Variants in ABTB2 observed in about 807,000 individuals in gnomAD.
The protein encoded by ABTB2 is ankyrin repeat and BTB/POZ domain-containing protein 2.
Under a neutral mutation model 104.1 loss-of-function variants are expected in ABTB2, and 56 were observed. The observed-to-expected ratio is 0.54, with a 90% CI of 0.43 to 0.67. The LOEUF (loss-of-function observed/expected upper bound fraction) is 0.67, where lower values mean the gene tolerates loss of function less well. Among genes scored for constraint, ABTB2 ranks in the 30% least tolerant of loss-of-function variants. The probability of loss-of-function intolerance (pLI) is 0.00; values close to 1 mark genes in which losing one functional copy is unlikely to be tolerated. For synonymous variants in ABTB2, 606 were observed against 608.2 expected (o/e 1.00, Z 0.05); for missense variants, 1,279 against 1,407.7 (o/e 0.91, Z 1.46).
intron 7 of ABTB2, among the ~76,000 whole-genome samples, chr11:34,165,802 C>T (rs1221092291): frequency 2.6e-5 from 4 of 152,240 alleles, no homozygotes; most frequent in African/African-American, 7.2e-5. Context: ...GCAGGTACTT[C>T]AACTCCCAGA....
At chr11:34,164,614 G>A in intron 9 of ABTB2, 72 bp downstream of exon 9, 1 of 1,382,018 alleles carries the variant, frequency 7.2e-7, no homozygotes, top group East Asian at 3.0e-5. Flanking sequence ...GCTCCCATCG[G>A]GGAAACTGAG....
chr11:34,297,787 A>AACC lies in ABTB2; in HGVS notation c.883+58913_883+58914insGGT, dbSNP rs1554923783. On this transcript the variant is annotated intron_variant, in intron 1 of 16. Coordinates refer to ENST00000435224, the MANE Select transcript of ABTB2 (RefSeq NM_145804.3). ...ATCTCAAAAAAAAAAAAAAAAAATA[A>AACC]AAATAAAGGAAAGAAAAAGAAAAAA... Among the ~76,000 whole-genome samples the AACC allele has an allele frequency of 7.2e-5, 7 of 97,536 alleles. 2 individuals carry two copies. Among genetic ancestry groups the AACC allele is most frequent in the South Asian group, 5.9e-4 (2 of 3,396 alleles). The allele number at this position is 97,536 out of a possible 152,430, so 64.0% of individuals were successfully genotyped here. A position where few individuals can be genotyped will look rare whatever the true frequency, so the allele number is the denominator to read the frequency against.
intron 1 of ABTB2, among the ~76,000 whole-genome samples, chr11:34,219,601 T>C (rs772984120): frequency 3.3e-5 from 5 of 152,214 alleles, no homozygotes; most frequent in Non-Finnish European, 5.9e-5. Flanking sequence ...GTAGCCAACA[T>C]AAGATCATAG....
chr11:34,225,846 C>T (rs1853679222), intron 1 of ABTB2, among the ~76,000 whole-genome samples: 1 of 152,008 alleles, frequency 6.6e-6, no homozygotes, highest in African/African-American at 2.4e-5. Flanking sequence ...AAATAAGAAC[C>T]TGTGTTACAT....
At chr11:34,259,101 TTGTTAC>T (rs757164749) in intron 1 of ABTB2, among the ~76,000 whole-genome samples, 19 of 152,238 alleles carry the variant, frequency 1.2e-4, no homozygotes, top group Admixed American at 4.6e-4. Context: ...ATTCTTGCTG[TTGTTAC>T]TGTTACTGTT....
chr11:34,254,067 G>A (rs1385129045), intron 1 of ABTB2, among the ~76,000 whole-genome samples: 1 of 152,094 alleles, frequency 6.6e-6, no homozygotes, highest in Non-Finnish European at 1.5e-5. Flanking sequence ...AACGACTTAA[G>A]TCACTTGAGC....
At chr11:34,291,546 A>C (rs909500666) in intron 1 of ABTB2, among the ~76,000 whole-genome samples, 5 of 152,242 alleles carry the variant, frequency 3.3e-5, no homozygotes, top group Admixed American at 3.3e-4. Flanking sequence ...CCCAGGCTGG[A>C]GTGCAATGGT....
chr11:34,192,826 A>G (rs1406145795), intron 3 of ABTB2, among the ~76,000 whole-genome samples: 2 of 152,012 alleles, frequency 1.3e-5, no homozygotes. Context: ...TGATGTGGAG[A>G]AATGGTCACC....
intron 2 of ABTB2, among the ~76,000 whole-genome samples, chr11:34,200,446 G>A (rs992114669): frequency 3.9e-5 from 6 of 152,096 alleles, no homozygotes; most frequent in Non-Finnish European, 8.8e-5. Context: ...GGAGGTCCCC[G>A]GCTTCTTCGA....
At chr11:34,340,989 T>C (rs979112802) in intron 1 of ABTB2, among the ~76,000 whole-genome samples, 2 of 152,192 alleles carry the variant, frequency 1.3e-5, no homozygotes, top group Non-Finnish European at 2.9e-5. Flanking sequence ...GTGGCAGTGA[T>C]GGTAGCAATA....
intron 1 of ABTB2, among the ~76,000 whole-genome samples, chr11:34,289,076 T>C (rs1325414143): frequency 6.6e-6 from 1 of 152,190 alleles, no homozygotes; most frequent in Non-Finnish European, 1.5e-5. Flanking sequence ...GTCAATAACA[T>C]AAATCTATGA....
intron 3 of ABTB2, among the ~76,000 whole-genome samples, chr11:34,193,569 C>T (rs945334017): frequency 2.0e-5 from 3 of 152,242 alleles, no homozygotes; most frequent in African/African-American, 4.8e-5. Flanking sequence ...AGGTACCCCG[C>T]GGCCTCCTGT....
intron 1 of ABTB2, among the ~76,000 whole-genome samples, chr11:34,341,929 G>A (rs1286777400): frequency 6.6e-6 from 1 of 152,116 alleles, no homozygotes; most frequent in Non-Finnish European, 1.5e-5. Context: ...AAGATTAAAC[G>A]TGTAAAGGGT....
intron 3 of ABTB2, among the ~76,000 whole-genome samples, chr11:34,176,470 C>T (rs1190975482): frequency 2.0e-5 from 3 of 152,066 alleles, no homozygotes; most frequent in African/African-American, 7.2e-5. Context: ...CCTGACATGG[C>T]AGGTCCTCAA....
At chr11:34,299,351 G>GT (rs928914971) in intron 1 of ABTB2, among the ~76,000 whole-genome samples, 11 of 152,128 alleles carry the variant, frequency 7.2e-5, no homozygotes, top group East Asian at 3.9e-4. Context: ...CAAATTGATG[G>GT]TTTTTTTTAA....
At chr11:34,307,833 G>A (rs12278624) in intron 1 of ABTB2, among the ~76,000 whole-genome samples, 7,849 of 152,192 alleles carry the variant, frequency 0.052, 713 homozygotes, top group African/African-American at 0.18. Context: ...CACATAGCTG[G>A]GATCACAGGC....
intron 3 of ABTB2, among the ~76,000 whole-genome samples, chr11:34,173,929 C>T (rs1022809595): frequency 2.6e-5 from 4 of 152,190 alleles, no homozygotes; most frequent in Non-Finnish European, 2.9e-5. Flanking sequence ...GCATATTAGG[C>T]TGTTGTACAA....
At chr11:34,175,824 C>T (rs1471794924) in intron 3 of ABTB2, among the ~76,000 whole-genome samples, 1 of 152,240 alleles carries the variant, frequency 6.6e-6, no homozygotes, top group Admixed American at 6.5e-5. Context: ...CCAGGACACA[C>T]CACCAGCACT....
At chr11:34,352,616 T>C (rs1434972664) in intron 1 of ABTB2, among the ~76,000 whole-genome samples, 1 of 152,184 alleles carries the variant, frequency 6.6e-6, no homozygotes, top group Non-Finnish European at 1.5e-5. Context: ...ATTTACTATG[T>C]GCTAAGATCT....
Sources: gnomAD v4.1 joint callset for allele counts (sites outside exome capture counted in the v4.1 genomes callset) on GRCh38, gnomAD v4.1.1 for gene constraint, MANE v1.5 for transcripts, NCBI Gene and HGNC (gene_info 2026-07-23, HGNC 2026-07-21) for gene names.